The following CGNL1 variants were observed in gnomAD, a reference collection of about 807,000 sequenced individuals.
CGNL1 encodes the protein cingulin like 1.
In CGNL1, 132 loss-of-function variants were observed where a neutral mutation model predicts 141.2. The ratio of observed to expected loss-of-function variants is 0.93; its 90% CI spans 0.81 to 1.08. CGNL1 has a LOEUF of 1.08. CGNL1 is among the 50% of genes least tolerant of loss of function. The pLI is 0.00. For synonymous variants in CGNL1, 690 were observed against 622.1 expected, an observed-to-expected ratio of 1.11 and a Z score of -1.63; for missense variants, 1,870 against 1,588.6, an observed-to-expected ratio of 1.18 and a Z score of -3.01.
At position 57,439,143 on chromosome 15, in the gene CGNL1, G is replaced by A; in HGVS notation, c.1144G>A (p.Asp382Asn). The A allele has an allele frequency of 6.2e-7, 1 of 1,614,170 alleles. No individual in the cohort carries two copies. Among genetic ancestry groups the A allele is most frequent in the East Asian group, 2.2e-5 (1 of 44,882 alleles). ...SGKRNRINTD[D>N]RKRSRSVDSA... ...GAAGCGAAACAGAATTAATACAGATGACAGGAAAAGATCCAGAAGCGTGGA... is the reference window on the plus strand; with the variant it reads ...GAAGCGAAACAGAATTAATACAGATAACAGGAAAAGATCCAGAAGCGTGGA... Residue 382 changes from aspartate (D) to asparagine (N), a missense_variant, in exon 2 of 19, where the codon GAC becomes AAC. Asp to Asn is a conservative substitution (Grantham distance 23). Transcript: ENST00000281282.
Position 57,550,481 on chromosome 15 carries a change from A to G in CGNL1, c.*2991A>G, listed in dbSNP as rs2033064553. 6.6e-6 allele frequency: 1 copy of G among 152,666 alleles called. No homozygotes were observed. Among genetic ancestry groups the G allele is most frequent in the African/African-American group, 2.4e-5 (1 of 41,456 alleles). The allele number at this position is 152,666 out of a possible 1,614,324, so 9.5% of individuals were successfully genotyped here. On this transcript the variant is annotated 3_prime_UTR_variant, in exon 19 of 19. Coordinates refer to ENST00000281282, the MANE Select transcript of CGNL1 (RefSeq NM_032866.5). ...ATATATTTTATGTAAAAACACATAC[A>G]TGGCCAAATGCAATACTGAAGAGAC...
intron 1 of CGNL1, among the ~76,000 whole-genome samples, chr15:57,395,672 T>C (rs1387010546): frequency 6.6e-6 from 1 of 152,270 alleles, no homozygotes; most frequent in Non-Finnish European, 1.5e-5. Flanking sequence ...GGCTCTACCT[T>C]GTGCTGGGCA....
Position 57,439,305 on chromosome 15 carries a change from G to T in CGNL1, c.1306G>T (p.Gly436Trp), listed in dbSNP as rs548721093. 8.6e-5 allele frequency: 139 copies of T among 1,613,976 alleles called. No individual in the cohort carries two copies. Among genetic ancestry groups the T allele is most frequent in the Non-Finnish European group, 1.1e-4 (135 of 1,180,050 alleles). ...PQRPLSQERR[G>W]KQSVGRTFAK... ...GCGGCCACTGTCTCAGGAGCGCCGT[G>T]GGAAACAGAGCGTGGGCCGCACCTT... is the stretch of plus-strand genomic sequence containing the variant. Residue 436 changes from glycine to tryptophan, a missense_variant, in exon 2 of 19, where the codon GGG becomes TGG. Transcript: ENST00000281282.
At chr15:57,404,878 G>GT (rs2062697844) in intron 1 of CGNL1, among the ~76,000 whole-genome samples, 1 of 152,180 alleles carries the variant, frequency 6.6e-6, no homozygotes, top group Non-Finnish European at 1.5e-5. Flanking sequence ...CCTTGGAGCC[G>GT]TAAGACCCCT....
intron 8 of CGNL1, among the ~76,000 whole-genome samples, chr15:57,484,727 C>A (rs1164834397): frequency 2.0e-5 from 3 of 152,048 alleles, no homozygotes; most frequent in African/African-American, 7.2e-5. Flanking sequence ...CCCCCCAATC[C>A]ACTGACAGGC....
chr15:57,439,381 C>T lies in CGNL1; in HGVS notation c.1382C>T (p.Pro461Leu), dbSNP rs2063154604. Reference protein sequence around the residue: ...AHGASCAHSRPPQPNIDGKVL... With the variant: ...AHGASCAHSRLPQPNIDGKVL... ...GGGGCTTCATGTGCCCACTCCAGGC[C>T]TCCCCAGCCGAACATAGATGGGAAA... The change falls in exon 2 of 19, where the codon CCT (proline) becomes CTT (leucine). Residue 461 changes from proline to leucine, a missense_variant. Pro to Leu is a moderately conservative substitution (Grantham distance 98). Coordinates refer to ENST00000281282, the MANE Select transcript of CGNL1 (RefSeq NM_032866.5). The T allele has an allele frequency of 1.9e-6, 3 of 1,614,168 alleles. No individual in the cohort carries two copies. Among genetic ancestry groups the T allele is most frequent in the Non-Finnish European group, 2.5e-6 (3 of 1,180,028 alleles).
At chr15:57,485,394 T>C (rs1392753011) in intron 8 of CGNL1, among the ~76,000 whole-genome samples, 1 of 152,244 alleles carries the variant, frequency 6.6e-6, no homozygotes, top group Non-Finnish European at 1.5e-5. Context: ...ATAGTAAATA[T>C]GAATCAACCT....
intron 2 of CGNL1, among the ~76,000 whole-genome samples, chr15:57,439,879 T>G (rs1424032528): frequency 1.3e-5 from 2 of 152,208 alleles, no homozygotes; most frequent in African/African-American, 2.4e-5. Context: ...ATTGTTCTGT[T>G]TGTGTATGCA....
At chr15:57,496,015 C>T (rs1258947069) in intron 8 of CGNL1, among the ~76,000 whole-genome samples, 3 of 152,140 alleles carry the variant, frequency 2.0e-5, no homozygotes, top group African/African-American at 7.2e-5. Flanking sequence ...CCAGGAATGA[C>T]TGTGGAATGG....
intron 8 of CGNL1, among the ~76,000 whole-genome samples, chr15:57,501,498 G>A (rs971942747): frequency 6.6e-6 from 1 of 152,244 alleles, no homozygotes; most frequent in Non-Finnish European, 1.5e-5. Flanking sequence ...CTGCGGCAAT[G>A]TGGGGAGTTA....
intron 8 of CGNL1, among the ~76,000 whole-genome samples, chr15:57,482,086 C>A (rs2063733415): frequency 6.6e-6 from 1 of 151,516 alleles, no homozygotes; most frequent in African/African-American, 2.4e-5. Context: ...ATGTCTTTTG[C>A]CCATTTCCTA....
intron 16 of CGNL1, 34 bp downstream of exon 16, chr15:57,544,631 C>A: frequency 6.4e-7 from 1 of 1,553,426 alleles, no homozygotes; most frequent in Non-Finnish European, 8.7e-7. Context: ...GTGCGGAGGC[C>A]CCAGTGGGCA....
chr15:57,501,683 G>A (rs1401345871), intron 8 of CGNL1, among the ~76,000 whole-genome samples: 2 of 152,192 alleles, frequency 1.3e-5, no homozygotes, highest in African/African-American at 4.8e-5. Context: ...AAAAGGGATG[G>A]GGTTGGGGCA....
intron 7 of CGNL1, among the ~76,000 whole-genome samples, chr15:57,454,174 C>T (rs1280860525): frequency 6.6e-6 from 1 of 151,942 alleles, no homozygotes; most frequent in East Asian, 1.9e-4. Context: ...ATCTCTGCAC[C>T]CATTTAGGTG....
intron 1 of CGNL1, among the ~76,000 whole-genome samples, chr15:57,415,737 G>A (rs1452255006): frequency 3.3e-5 from 5 of 152,312 alleles, no homozygotes; most frequent in African/African-American, 9.6e-5. Context: ...CGGGCCCAAC[G>A]TAGAGCATGT....
intron 6 of CGNL1, among the ~76,000 whole-genome samples, chr15:57,452,969 G>A (rs1020542036): frequency 2.0e-5 from 3 of 152,064 alleles, no homozygotes; most frequent in East Asian, 1.9e-4. Flanking sequence ...GGTGTTTTGC[G>A]TTTAAAACAA....
intron 14 of CGNL1, among the ~76,000 whole-genome samples, chr15:57,535,889 C>T (rs138892707): frequency 6.6e-6 from 1 of 152,292 alleles, no homozygotes; most frequent in Non-Finnish European, 1.5e-5. Context: ...TGACCCTTTC[C>T]ATGCCTCCAT....
At chr15:57,496,523 G>A (rs1180045312) in intron 8 of CGNL1, among the ~76,000 whole-genome samples, 2 of 152,070 alleles carry the variant, frequency 1.3e-5, no homozygotes, top group Non-Finnish European at 2.9e-5. Flanking sequence ...CTCAACCTCC[G>A]CCGATCCATG....
intron 8 of CGNL1, among the ~76,000 whole-genome samples, chr15:57,465,709 A>G (rs566530084): frequency 6.6e-6 from 1 of 152,174 alleles, no homozygotes; most frequent in South Asian, 2.1e-4. Context: ...TATTACTTCA[A>G]TAGGTCTTAT....
Sources: allele counts gnomAD v4.1 joint callset (sites outside exome capture counted in the v4.1 genomes callset), GRCh38; gene constraint gnomAD v4.1.1; transcripts MANE v1.5; gene names NCBI Gene and HGNC (gene_info 2026-07-23, HGNC 2026-07-21).